CUL5: variants seen among roughly 807,000 people sequenced by gnomAD.
CUL5 encodes cullin-5.
CUL5 carries 26 observed loss-of-function variants against 108.8 expected under a neutral mutation model. The observed-to-expected ratio is 0.24, with a 90% CI of 0.18 to 0.33. CUL5 has a LOEUF of 0.33. Ranked by LOEUF, CUL5 falls within the 10% of genes least tolerant of loss-of-function variation. The pLI, the probability that CUL5 is intolerant of heterozygous loss-of-function variation, is 1.00. For missense variants in CUL5, 524 were observed against 909.2 expected (o/e 0.58, Z 5.45); for synonymous variants, 334 against 298.0 (o/e 1.12, Z -1.25).
chr11:108,074,474 C>G (rs1412479582), intron 10 of CUL5, among the ~76,000 whole-genome samples: 6 of 151,594 alleles, frequency 4.0e-5, no homozygotes, highest in Non-Finnish European at 8.8e-5. Context: ...GGATTACAGG[C>G]CTGAGCTACT....
At chr11:108,010,918 A>T (rs893875020) in intron 1 of CUL5, among the ~76,000 whole-genome samples, 1 of 152,196 alleles carries the variant, frequency 6.6e-6, no homozygotes, top group South Asian at 2.1e-4. Flanking sequence ...GTGTTCCTAC[A>T]ATATAGGTGC....
chr11:108,015,255 C>A (rs1862152294), intron 1 of CUL5, among the ~76,000 whole-genome samples: 1 of 152,098 alleles, frequency 6.6e-6, no homozygotes, highest in Non-Finnish European at 1.5e-5. Flanking sequence ...TGAGGTAAAA[C>A]CAGAATGAAG....
At chr11:108,047,029 G>A (rs1252193206) in intron 3 of CUL5, among the ~76,000 whole-genome samples, 1 of 152,058 alleles carries the variant, frequency 6.6e-6, no homozygotes, top group African/African-American at 2.4e-5. Context: ...TATAACATGA[G>A]GTCTGGGACA....
intron 3 of CUL5, among the ~76,000 whole-genome samples, chr11:108,049,582 A>G (rs544979113): frequency 4.2e-4 from 64 of 151,970 alleles, no homozygotes; most frequent in Non-Finnish European, 7.9e-4. Context: ...AGCTCAAGCA[A>G]TCCTCCCGCC....
In CUL5 at chr11:108,104,557, T is replaced by C. The variant is rs1310592377; in HGVS notation, c.*173T>C. 3 of 475,156 alleles carry C rather than the reference T, an allele frequency of 6.3e-6. No homozygotes were observed. The highest frequency in any genetic ancestry group is 4.2e-5 in the Admixed American group (1 of 23,766). The allele number at this position is 475,156 out of a possible 1,614,324, so 29.4% of individuals were successfully genotyped here. ...TTGCCAATCACATTAGTTAGCATGA[T>C]GGCATTCCCTTCATGTTGCACACTC... On this transcript the variant is annotated 3_prime_UTR_variant, in exon 19 of 19. Transcript: ENST00000393094.
At chr11:108,068,268 A>G (rs772675013) in intron 7 of CUL5, among the ~76,000 whole-genome samples, 1 of 152,184 alleles carries the variant, frequency 6.6e-6, no homozygotes, top group Non-Finnish European at 1.5e-5. Flanking sequence ...TATGCATTTA[A>G]AAGTCATCAG....
chr11:108,021,411 C>A (rs1459821237), intron 1 of CUL5, among the ~76,000 whole-genome samples: 1 of 152,180 alleles, frequency 6.6e-6, no homozygotes, highest in East Asian at 1.9e-4. Flanking sequence ...TTTTCTTACA[C>A]CTTTGTCCTA....
chr11:108,060,694 G>C (rs374624388), intron 7 of CUL5, among the ~76,000 whole-genome samples: 1 of 152,026 alleles, frequency 6.6e-6, no homozygotes, highest in Middle Eastern at 3.4e-3. Context: ...AAAATTACCC[G>C]GGCATGGTGG....
intron 4 of CUL5, among the ~76,000 whole-genome samples, chr11:108,050,817 T>C (rs900107210): frequency 2.6e-5 from 4 of 152,252 alleles, no homozygotes; most frequent in Non-Finnish European, 4.4e-5. Flanking sequence ...ATAAATTCAG[T>C]ATATACTGTG....
At chr11:108,010,455 A>G (rs1423610782) in intron 1 of CUL5, among the ~76,000 whole-genome samples, 1 of 152,232 alleles carries the variant, frequency 6.6e-6, no homozygotes, top group Non-Finnish European at 1.5e-5. Flanking sequence ...AACAAATTTT[A>G]CTAAGAGGCA....
At chr11:108,097,776 A>C in intron 17 of CUL5, 22 bp downstream of exon 17, 1 of 1,271,432 alleles carries the variant, frequency 7.9e-7, no homozygotes, top group Non-Finnish European at 1.1e-6. Flanking sequence ...AGTTGATCTA[A>C]AATAAAAACA....
intron 1 of CUL5, among the ~76,000 whole-genome samples, chr11:108,031,886 G>A (rs1244058136): frequency 6.6e-6 from 1 of 152,168 alleles, no homozygotes; most frequent in East Asian, 1.9e-4. Flanking sequence ...GGATGGAGCT[G>A]GAGGCCATTT....
At chr11:108,081,022 C>G (rs910449952) in intron 11 of CUL5, among the ~76,000 whole-genome samples, 5 of 151,942 alleles carry the variant, frequency 3.3e-5, no homozygotes, top group Non-Finnish European at 7.4e-5. Flanking sequence ...CACAGTGGCT[C>G]ACGCCTGTAA....
At chr11:108,063,818 C>T (rs888777233) in intron 7 of CUL5, among the ~76,000 whole-genome samples, 5 of 152,008 alleles carry the variant, frequency 3.3e-5, no homozygotes, top group African/African-American at 1.2e-4. Flanking sequence ...CCAAACTGCT[C>T]CATAGTGCTT....
At chr11:108,093,784 A>G (rs971165464) in intron 13 of CUL5, among the ~76,000 whole-genome samples, 3 of 151,972 alleles carry the variant, frequency 2.0e-5, no homozygotes, top group Non-Finnish European at 4.4e-5. Context: ...CAGAGCTTAA[A>G]CTCCTGGGCT....
intron 1 of CUL5, among the ~76,000 whole-genome samples, chr11:108,031,281 C>T (rs977076272): frequency 6.6e-6 from 1 of 151,412 alleles, no homozygotes; most frequent in Non-Finnish European, 1.5e-5. Context: ...ATGAAAATCA[C>T]CTGACCCTGG....
At chr11:108,095,794 G>A in intron 16 of CUL5, 103 bp downstream of exon 16, 1 of 1,105,068 alleles carries the variant, frequency 9.0e-7, no homozygotes, top group Non-Finnish European at 1.3e-6. Context: ...GTTTCAGAAT[G>A]TCTTATCAAG....
At chr11:108,038,590 A>T (rs191265099) in intron 2 of CUL5, among the ~76,000 whole-genome samples, 1 of 151,554 alleles carries the variant, frequency 6.6e-6, no homozygotes, top group East Asian at 1.9e-4. Flanking sequence ...CAGGATAATC[A>T]CTTGAATCCG....
At chr11:108,017,257 G>T (rs1158247860) in intron 1 of CUL5, among the ~76,000 whole-genome samples, 1 of 151,948 alleles carries the variant, frequency 6.6e-6, no homozygotes. Context: ...GGGGGTGGTG[G>T]TGTACGGTTT....
Sources: allele counts gnomAD v4.1 joint callset (sites outside exome capture counted in the v4.1 genomes callset), GRCh38; gene constraint gnomAD v4.1.1; transcripts MANE v1.5; gene names NCBI Gene and HGNC (gene_info 2026-07-23, HGNC 2026-07-21).